The following MYLK variants were observed in gnomAD, a reference collection of about 807,000 sequenced individuals.
MYLK encodes myosin light chain kinase.
A neutral mutation model predicts 203.4 loss-of-function variants in MYLK; 106 were observed. The observed-to-expected ratio is 0.52, with a 90% CI of 0.45 to 0.61. The LOEUF is 0.61. MYLK is among the 20% of genes least tolerant of loss of function. The probability of loss-of-function intolerance (pLI) is 0.00; values close to 1 mark genes in which losing one functional copy is unlikely to be tolerated. For missense variants in MYLK, 2,072 were observed against 2,442.3 expected (o/e 0.85, Z 3.20); for synonymous variants, 867 against 959.5 (o/e 0.90, Z 1.78).
chr3:123,652,140 T>C (rs1358117450), intron 24 of MYLK, among the ~76,000 whole-genome samples: 2 of 152,174 alleles, frequency 1.3e-5, no homozygotes, highest in Non-Finnish European at 2.9e-5. Flanking sequence ...CTTCTTGTCC[T>C]GCCTCTCTTC....
At chr3:123,810,582 T>C (rs2065524707) in intron 3 of MYLK, among the ~76,000 whole-genome samples, 1 of 152,216 alleles carries the variant, frequency 6.6e-6, no homozygotes. Context: ...CCAATGGGGA[T>C]GCCAGTCATG....
chr3:123,714,370 C>T (rs1162173339), intron 13 of MYLK, among the ~76,000 whole-genome samples: 1 of 152,250 alleles, frequency 6.6e-6, no homozygotes. Context: ...ATATTCATGT[C>T]CAGAGCTACC....
At chr3:123,693,145 C>A (rs1246829618) in intron 18 of MYLK, among the ~76,000 whole-genome samples, 1 of 152,176 alleles carries the variant, frequency 6.6e-6, no homozygotes, top group Non-Finnish European at 1.5e-5. Flanking sequence ...AGAGAAATAG[C>A]CTCTGCCTTT....
chr3:123,634,239 GC>G (rs1192465144), intron 29 of MYLK, among the ~76,000 whole-genome samples: 1 of 152,206 alleles, frequency 6.6e-6, no homozygotes, highest in Non-Finnish European at 1.5e-5. Flanking sequence ...GAAGGTGGTG[GC>G]CGGGCTTGGA....
In MYLK at chr3:123,793,853, A is replaced by G. The variant is rs769232727; in HGVS notation, c.-3-9T>C. On this transcript the variant is annotated splice_polypyrimidine_tract_variant and intron_variant, in intron 3 of 33. Coordinates refer to ENST00000360304, the MANE Select transcript of MYLK (RefSeq NM_053025.4). ...TTCACATCCCCCATGGTCTGCAAAA[A>G]GGAAGGAAGAGGACAAGGTCAGATC... is the stretch of plus-strand genomic sequence containing the variant. 2 of 1,614,010 alleles carry G rather than the reference A, an allele frequency of 1.2e-6. No homozygotes were observed. Among genetic ancestry groups the G allele is most frequent in the African/African-American group, 2.7e-5 (2 of 74,946 alleles).
intron 3 of MYLK, among the ~76,000 whole-genome samples, chr3:123,803,769 C>T (rs554777783): frequency 2.0e-5 from 3 of 152,294 alleles, no homozygotes; most frequent in South Asian, 2.1e-4. Context: ...ACCTGGTCCT[C>T]GAGACACACC....
intron 4 of MYLK, among the ~76,000 whole-genome samples, chr3:123,757,123 G>A (rs1479929349): frequency 6.6e-6 from 1 of 152,204 alleles, no homozygotes; most frequent in Non-Finnish European, 1.5e-5. Context: ...AGAACCTGGT[G>A]CTGCCTTGAG....
chr3:123,689,051 C>T (rs780427936), intron 19 of MYLK, among the ~76,000 whole-genome samples: 1 of 152,134 alleles, frequency 6.6e-6, no homozygotes, highest in Non-Finnish European at 1.5e-5. Context: ...AGTGGGCACT[C>T]AGATATTAGT....
At position 123,737,296 on chromosome 3, in the gene MYLK, TGCGCA is replaced by T. The variant is rs1355812809; in HGVS notation, c.754+77_754+81del. 14 of 1,566,740 alleles carry T rather than the reference TGCGCA, an allele frequency of 8.9e-6. No homozygotes were observed. In the Admixed American group the frequency reaches 1.5e-4, roughly 17 times the overall value. On this transcript the variant is annotated intron_variant, in intron 8 of 33. Transcript: ENST00000360304. ...TGGGCCAGGTGTATACACACACAGGTGCGCAGTGAACAAGCAGCTCCTCTAGGAGG... is the reference window on the plus strand; with the variant it reads ...TGGGCCAGGTGTATACACACACAGGTGTGAACAAGCAGCTCCTCTAGGAGG...
chr3:123,639,928 T>C (rs1165261055), intron 28 of MYLK, among the ~76,000 whole-genome samples: 1 of 152,226 alleles, frequency 6.6e-6, no homozygotes, highest in Non-Finnish European at 1.5e-5. Context: ...AAATGACTTT[T>C]GCTGCTAATG....
intron 19 of MYLK, chr3:123,692,262 A>G (rs1045305970): frequency 5.3e-5 from 57 of 1,076,052 alleles, no homozygotes; most frequent in Non-Finnish European, 6.5e-5. Flanking sequence ...CTCTCTGTCC[A>G]GAGACTCAGC....
rs780553771 is a variant in MYLK, at chr3:123,859,899, C to CA, written c.-127+16659dup. ...TAATTTCCCCTTTAGGTAACAGATA[C>CA]AAAAAAAACAGATACATATATAAAT... On this transcript the variant is annotated intron_variant, in intron 2 of 33. Transcript: ENST00000360304. Among the ~76,000 whole-genome samples, 241 of 137,438 alleles carry CA rather than the reference C, an allele frequency of 1.8e-3. 3 individuals carry two copies. The highest frequency in any genetic ancestry group is 3.3e-3 in the Non-Finnish European group (213 of 63,910). The allele number at this position is 137,438 out of a possible 152,430, so 90.2% of individuals were successfully genotyped here. A position where few individuals can be genotyped will look rare whatever the true frequency, so the allele number is the denominator to read the frequency against.
intron 16 of MYLK, among the ~76,000 whole-genome samples, chr3:123,705,415 C>A (rs1280088401): frequency 6.6e-6 from 1 of 152,160 alleles, no homozygotes; most frequent in African/African-American, 2.4e-5. Context: ...GTTCCCTGTG[C>A]ACTTGGGAGA....
intron 2 of MYLK, among the ~76,000 whole-genome samples, chr3:123,856,651 C>A (rs1023810711): frequency 1.3e-5 from 2 of 152,120 alleles, no homozygotes; most frequent in Non-Finnish European, 2.9e-5. Flanking sequence ...AGGAAACAGG[C>A]TCAGAGAAGT....
intron 4 of MYLK, among the ~76,000 whole-genome samples, chr3:123,783,487 C>T (rs1438270913): frequency 6.6e-6 from 1 of 152,174 alleles, no homozygotes; most frequent in Non-Finnish European, 1.5e-5. Flanking sequence ...ACTTTGTCTA[C>T]ACTTCTTTCA....
At chr3:123,714,559 C>T (rs1365738663) in intron 13 of MYLK, among the ~76,000 whole-genome samples, 1 of 152,106 alleles carries the variant, frequency 6.6e-6, no homozygotes, top group Non-Finnish European at 1.5e-5. Context: ...GCAAGGGATG[C>T]TTTGCTGAGA....
intron 1 of MYLK, among the ~76,000 whole-genome samples, chr3:123,882,532 T>C (rs908415129): frequency 1.3e-5 from 2 of 152,214 alleles, no homozygotes; most frequent in Non-Finnish European, 2.9e-5. Flanking sequence ...TAAACCAGCA[T>C]AAATGCTTCC....
intron 2 of MYLK, among the ~76,000 whole-genome samples, chr3:123,853,712 G>A (rs1355913963): frequency 6.6e-6 from 1 of 152,108 alleles, no homozygotes; most frequent in Non-Finnish European, 1.5e-5. Flanking sequence ...AAAATCATGA[G>A]ATCATAGACT....
At chr3:123,686,652 G>A (rs1363323940) in intron 19 of MYLK, among the ~76,000 whole-genome samples, 1 of 152,140 alleles carries the variant, frequency 6.6e-6, no homozygotes, top group African/African-American at 2.4e-5. Context: ...TGAGTCCCTG[G>A]GCAAGTTCCT....
Sources: allele counts gnomAD v4.1 joint callset (sites outside exome capture counted in the v4.1 genomes callset), GRCh38; gene constraint gnomAD v4.1.1; transcripts MANE v1.5; gene names NCBI Gene and HGNC (gene_info 2026-07-23, HGNC 2026-07-21).